FBXL13: variants seen among roughly 807,000 people sequenced by gnomAD.
FBXL13 encodes the protein F-box and leucine-rich repeat protein 13.
In FBXL13, 67 loss-of-function variants were observed where a neutral mutation model predicts 83.6. The observed-to-expected ratio is 0.80, with a 90% CI of 0.66 to 0.98. The LOEUF (loss-of-function observed/expected upper bound fraction) is 0.98, where lower values mean the gene tolerates loss of function less well. Among genes scored for constraint, FBXL13 ranks in the 50% least tolerant of loss-of-function variants. FBXL13 has a pLI of 0.00. For missense variants in FBXL13, 822 were observed against 866.5 expected, an observed-to-expected ratio of 0.95 and a Z score of 0.64; for synonymous variants, 272 against 299.5, an observed-to-expected ratio of 0.91 and a Z score of 0.95.
At chr7:103,020,190 A>G (rs1284459075) in intron 6 of FBXL13, among the ~76,000 whole-genome samples, 1 of 152,242 alleles carries the variant, frequency 6.6e-6, no homozygotes, top group East Asian at 1.9e-4. Flanking sequence ...CAATAAACAT[A>G]GTCCAGCATA....
At chr7:103,049,043 T>C (rs867150846) in intron 2 of FBXL13, among the ~76,000 whole-genome samples, 1 of 152,228 alleles carries the variant, frequency 6.6e-6, no homozygotes. Flanking sequence ...ACACAGACCA[T>C]CTACAACATG....
At chr7:103,040,504 A>G (rs909908794) in intron 2 of FBXL13, among the ~76,000 whole-genome samples, 1 of 152,204 alleles carries the variant, frequency 6.6e-6, no homozygotes, top group Admixed American at 6.5e-5. Context: ...TCCACACCCC[A>G]AATCAACAGA....
intron 16 of FBXL13, among the ~76,000 whole-genome samples, chr7:102,873,828 G>C (rs1808865258): frequency 6.6e-6 from 1 of 152,134 alleles, no homozygotes; most frequent in African/African-American, 2.4e-5. Context: ...CTTTGTGCAG[G>C]CTGCTTCTTT....
At chr7:102,867,107 A>G (rs7796335) in intron 16 of FBXL13, among the ~76,000 whole-genome samples, 28,938 of 152,124 alleles carry the variant, frequency 0.19, 3,034 homozygotes, top group East Asian at 0.43. Context: ...ACATCTCAAC[A>G]CTTTGGAAGG....
intron 17 of FBXL13, among the ~76,000 whole-genome samples, chr7:102,841,096 G>A (rs569444547): frequency 1.3e-5 from 2 of 152,270 alleles, no homozygotes; most frequent in African/African-American, 4.8e-5. Flanking sequence ...TTTATGTCAG[G>A]CAAGGCACAA....
At chr7:103,005,857 G>GA (rs1015982241) in intron 6 of FBXL13, among the ~76,000 whole-genome samples, 8 of 149,558 alleles carry the variant, frequency 5.3e-5, no homozygotes, top group Admixed American at 1.3e-4. Context: ...GTAAGAAACT[G>GA]AAAAAAAAAG....
intron 16 of FBXL13, among the ~76,000 whole-genome samples, chr7:102,873,460 T>C (rs1387015707): frequency 6.6e-6 from 1 of 152,346 alleles, no homozygotes; most frequent in Admixed American, 6.5e-5. Context: ...GTCTCCCAAC[T>C]GTGCTGACTT....
At chr7:102,969,783 G>T (rs1022842039) in intron 6 of FBXL13, among the ~76,000 whole-genome samples, 4 of 124,996 alleles carry the variant, frequency 3.2e-5, no homozygotes, top group African/African-American at 1.2e-4. Context: ...GGGCAATAGA[G>T]CAAGACTCTG....
intron 11 of FBXL13, among the ~76,000 whole-genome samples, chr7:102,904,685 T>G (rs1262116238): frequency 6.6e-6 from 1 of 152,102 alleles, no homozygotes; most frequent in East Asian, 1.9e-4. Flanking sequence ...CTTCTCTAGT[T>G]CTTTAAGATG....
intron 5 of FBXL13, among the ~76,000 whole-genome samples, chr7:103,026,500 G>A (rs912841594): frequency 3.9e-5 from 6 of 152,176 alleles, no homozygotes; most frequent in African/African-American, 1.4e-4. Flanking sequence ...AAGTAGAGCT[G>A]TTTCACTGGT....
chr7:102,822,155 G>A (rs759727926), exon 19 of FBXL13: 3 of 1,614,002 alleles, frequency 1.9e-6, no homozygotes, highest in Non-Finnish European at 2.5e-6. Flanking sequence ...TCCAAAATGT[G>A]CAGGTAATGG....
intron 19 of FBXL13, among the ~76,000 whole-genome samples, chr7:102,814,970 A>G (rs949822723): frequency 6.6e-6 from 1 of 152,146 alleles, no homozygotes; most frequent in African/African-American, 2.4e-5. Context: ...TCCCTTTTCA[A>G]TTCTATAAAG....
intron 19 of FBXL13, among the ~76,000 whole-genome samples, chr7:102,816,002 G>GAATCGAAA (rs922821735): frequency 2.6e-5 from 4 of 152,200 alleles, no homozygotes; most frequent in African/African-American, 9.6e-5. Flanking sequence ...TGATGGGACA[G>GAATCGAAA]AATCGAAATG....
At chr7:103,049,874 G>A (rs1796632840) in intron 2 of FBXL13, among the ~76,000 whole-genome samples, 1 of 152,160 alleles carries the variant, frequency 6.6e-6, no homozygotes, top group Admixed American at 6.5e-5. Context: ...TGGAGGGGAA[G>A]AGAATCAAAA....
chr7:103,019,582 C>A (rs1229420794), intron 6 of FBXL13, among the ~76,000 whole-genome samples: 1 of 152,018 alleles, frequency 6.6e-6, no homozygotes, highest in Non-Finnish European at 1.5e-5. Flanking sequence ...GATAGCAAGA[C>A]TCATAAAGAA....
intron 6 of FBXL13, among the ~76,000 whole-genome samples, chr7:102,993,012 T>C (rs1829741522): frequency 1.3e-5 from 2 of 152,226 alleles, no homozygotes; most frequent in Non-Finnish European, 2.9e-5. Context: ...AAGTGACTTC[T>C]AGATGTTTTG....
rs540680100 is a variant in FBXL13 at position 102,875,851 on chromosome 7, C to T, written c.1635+1616G>A. 5.3e-5 allele frequency among the ~76,000 whole-genome samples: 8 copies of T among 152,218 alleles called. No individual in the cohort carries two copies. The South Asian group carries it at 1.7e-3, about 32-fold the overall frequency. On this transcript the variant is annotated intron_variant, in intron 16 of 19. Transcript: ENST00000313221. ...ACTTCATTCAGGGAAGCTGGAACCA[C>T]AGCAGGCCTGTGGTTCAGAGGGGAG...
intron 2 of FBXL13, among the ~76,000 whole-genome samples, chr7:103,040,380 A>G (rs1190127577): frequency 1.3e-5 from 2 of 152,168 alleles, no homozygotes; most frequent in Admixed American, 1.3e-4. Flanking sequence ...ATAATGGGAG[A>G]CTTTAACACC....
intron 17 of FBXL13, 39 bp downstream of exon 18, chr7:102,854,738 C>T (rs1805781460): frequency 1.5e-6 from 2 of 1,294,168 alleles, no homozygotes; most frequent in Admixed American, 2.6e-5. Flanking sequence ...AGAAAAATTT[C>T]AATCTTAATT....
Sources: gnomAD v4.1 joint callset for allele counts (sites outside exome capture counted in the v4.1 genomes callset) on GRCh38, gnomAD v4.1.1 for gene constraint, MANE v1.5 for transcripts, NCBI Gene and HGNC (gene_info 2026-07-23, HGNC 2026-07-21) for gene names.